The following BIRC3 variants were observed in gnomAD, a reference collection of about 807,000 sequenced individuals.
The protein encoded by BIRC3 is baculoviral IAP repeat-containing protein 3.
A neutral mutation model predicts 59.0 loss-of-function variants in BIRC3; 26 were observed. That is an observed-to-expected ratio of 0.44 (90% CI 0.32 to 0.61). The LOEUF is 0.61. BIRC3 is among the 20% of genes least tolerant of loss of function. The pLI is 0.04. For missense variants in BIRC3, 641 were observed against 711.5 expected, an observed-to-expected ratio of 0.90 and a Z score of 1.13; for synonymous variants, 243 against 249.2, an observed-to-expected ratio of 0.98 and a Z score of 0.24.
chr11:102,331,546 T>G (rs923234792), intron 6 of BIRC3, among the ~76,000 whole-genome samples: 2 of 152,200 alleles, frequency 1.3e-5, no homozygotes, highest in Non-Finnish European at 2.9e-5. Flanking sequence ...TTTTTTTTCT[T>G]AACGCTTTGA....
intron 7 of BIRC3, 98 bp downstream of exon 7, chr11:102,336,318 G>A (rs1310230290): frequency 3.7e-6 from 5 of 1,336,238 alleles, no homozygotes; most frequent in African/African-American, 1.5e-5. Flanking sequence ...CAGGCTGAAT[G>A]TGGTGACTCA....
Position 102,338,838 on chromosome 11 carries a change from A to G in BIRC3, c.*1736A>G. On this transcript the variant is annotated 3_prime_UTR_variant, in exon 9 of 9. Transcript: ENST00000263464. ...CTATGACCTACCTTGGGGAAGAGGA[A>G]TTCAAGTTTCTGTGGCTTGCCTTCA... 4.5e-6 allele frequency: 1 copy of G among 224,158 alleles called. No individual in the cohort carries two copies. The highest frequency in any genetic ancestry group is 6.5e-5 in the East Asian group (1 of 15,496). 13.9% of individuals were successfully genotyped at this position (224,158 alleles called of 1,614,324 possible).
At chr11:102,332,809 C>CA (rs1194443431) in intron 6 of BIRC3, among the ~76,000 whole-genome samples, 1 of 152,134 alleles carries the variant, frequency 6.6e-6, no homozygotes, top group African/African-American at 2.4e-5. Flanking sequence ...GCAATACAGT[C>CA]ACGGTTAACC....
At chr11:102,333,672 G>T (rs1372176040) in intron 6 of BIRC3, among the ~76,000 whole-genome samples, 1 of 152,124 alleles carries the variant, frequency 6.6e-6, no homozygotes, top group Non-Finnish European at 1.5e-5. Flanking sequence ...CTTGAACCTG[G>T]GAGGCAGAGG....
Position 102,323,743 on chromosome 11 carries a change from A to G in BIRC3, c.-767A>G. The G allele has an allele frequency of 5.0e-6, 1 of 201,432 alleles. No homozygotes were observed. Among genetic ancestry groups the G allele is most frequent in the South Asian group, 1.9e-4 (1 of 5,242 alleles). The allele number at this position is 201,432 out of a possible 1,614,324, so 12.5% of individuals were successfully genotyped here. ...ATTAGAAGGATTGTAGAAAGAAAAA[A>G]ATGACTAATTGGAGAAAAATTGGGG... On this transcript the variant is annotated 5_prime_UTR_variant, in exon 2 of 9. Transcript: ENST00000263464.
At chr11:102,335,242 A>G (rs1464396657) in intron 6 of BIRC3, among the ~76,000 whole-genome samples, 3 of 152,262 alleles carry the variant, frequency 2.0e-5, no homozygotes, top group Non-Finnish European at 4.4e-5. Context: ...ACTCTGTTTT[A>G]AAAATGAATA....
intron 1 of BIRC3, among the ~76,000 whole-genome samples, chr11:102,318,108 A>G (rs1591517168): frequency 6.6e-6 from 1 of 152,166 alleles, no homozygotes; most frequent in Admixed American, 6.5e-5. Context: ...AATAATATTA[A>G]ATATTGACTT....
chr11:102,321,999 T>A lies in BIRC3; in HGVS notation c.-2511T>A, dbSNP rs1277885776. On this transcript the variant is annotated 5_prime_UTR_variant, in exon 2 of 9. Coordinates refer to ENST00000263464, the MANE Select transcript of BIRC3 (RefSeq NM_001165.5). ...ACAAATTAAGTATTAACTGGTGTTT[T>A]ACTATCCAAAGAATGCTAATTTTAT... 5.2e-6 allele frequency: 1 copy of A among 193,548 alleles called. No individual in the cohort carries two copies. Among genetic ancestry groups the A allele is most frequent in the African/African-American group, 2.3e-5 (1 of 43,168 alleles). The allele number at this position is 193,548 out of a possible 1,614,324, so 12.0% of individuals were successfully genotyped here.
At chr11:102,332,544 C>T (rs1951154220) in intron 6 of BIRC3, among the ~76,000 whole-genome samples, 1 of 152,126 alleles carries the variant, frequency 6.6e-6, no homozygotes, top group African/African-American at 2.4e-5. Flanking sequence ...AATTCAGGCC[C>T]CCCCAATATT....
chr11:102,317,976 C>T (rs923236214), intron 1 of BIRC3, among the ~76,000 whole-genome samples: 1 of 152,280 alleles, frequency 6.6e-6, no homozygotes, highest in Admixed American at 6.5e-5. Context: ...ACGCATGTTT[C>T]CAAGCGGTGG....
Position 102,328,052 on chromosome 11 carries a change from G to A in BIRC3, c.954G>A (p.Arg318=), listed in dbSNP as rs777936319. 1.3e-6 allele frequency: 2 copies of A among 1,598,260 alleles called. No homozygotes were observed. The highest frequency in any genetic ancestry group is 1.4e-5 in the African/African-American group (1 of 73,910). ...AAATTTTATTTTCTTTACATTTTAG[G>A]TGTGAGTACTTGATAAGAATTAAAG... ...PWVQHAKWFP[R]CEYLIRIKGQ... The change falls in exon 4 of 9, where the codon AGG becomes AGA. Residue 318 remains arginine, a splice_region_variant and synonymous_variant. Coordinates refer to ENST00000263464, the MANE Select transcript of BIRC3 (RefSeq NM_001165.5).
rs371588864 is a variant in BIRC3, at chr11:102,325,571, T to G, written c.953+6T>G. The stretch of plus-strand genomic sequence containing the variant: ...CATGCCAAGTGGTTTCCAAGGTAAT[T>G]GTTTTGAAATTCTCTTTGCAAATTC... On this transcript the variant is annotated splice_donor_region_variant and intron_variant, in intron 3 of 8. Coordinates refer to ENST00000263464, the MANE Select transcript of BIRC3 (RefSeq NM_001165.5). 76 of 1,609,064 alleles carry G rather than the reference T, an allele frequency of 4.7e-5. No homozygotes were observed. Among genetic ancestry groups the G allele is most frequent in the Non-Finnish European group, 6.3e-5 (74 of 1,177,672 alleles).
chr11:102,336,824 T>C, intron 8 of BIRC3, 23 bp downstream of exon 8: 1 of 1,598,352 alleles, frequency 6.3e-7, no homozygotes, highest in Non-Finnish European at 8.5e-7. Flanking sequence ...ATATTTTAAA[T>C]CAATAGAGAA....
intron 7 of BIRC3, 41 bp downstream of exon 7, chr11:102,336,261 A>G (rs1951195853): frequency 1.3e-6 from 2 of 1,529,636 alleles, no homozygotes; most frequent in Non-Finnish European, 8.8e-7. Flanking sequence ...TTCTAAGTCA[A>G]TTGAAAATAC....
At chr11:102,328,862 A>T (rs1237092267) in intron 4 of BIRC3, 35 bp from the exon 5 acceptor site, 3 of 586,624 alleles carry the variant, frequency 5.1e-6, no homozygotes, top group South Asian at 5.3e-5. Context: ...TTTAATTTAT[A>T]TATATATATA....
rs1469222612 is a variant in BIRC3, at chr11:102,338,070, G to A, written c.*968G>A. The A allele has an allele frequency of 3.1e-5, 7 of 227,744 alleles. No individual in the cohort carries two copies. The highest frequency in any genetic ancestry group is 4.4e-5 in the Non-Finnish European group (5 of 114,760). 14.1% of individuals were successfully genotyped at this position (227,744 alleles called of 1,614,324 possible). ...ATTCTGAAACTTAGAAAGTACACTG[G>A]TTAGCAATGCTTGGGACCAACAGGT... On this transcript the variant is annotated 3_prime_UTR_variant, in exon 9 of 9. Coordinates refer to ENST00000263464, the MANE Select transcript of BIRC3 (RefSeq NM_001165.5).
intron 3 of BIRC3, 118 bp downstream of exon 3, chr11:102,325,683 T>G: frequency 1.1e-6 from 1 of 949,510 alleles, no homozygotes; most frequent in Non-Finnish European, 1.5e-6. Context: ...TGTGAATAAG[T>G]TTAGGATGGA....
Position 102,323,302 on chromosome 11 carries a change from C to T in BIRC3, c.-1208C>T. ...AAATATATATCATGATTCTGTTTTTCCAAAAGTAACCTGAATATAGCAATG... is the reference window on the plus strand; with the variant it reads ...AAATATATATCATGATTCTGTTTTTTCAAAAGTAACCTGAATATAGCAATG... On this transcript the variant is annotated 5_prime_UTR_variant, in exon 2 of 9. Coordinates refer to ENST00000263464, the MANE Select transcript of BIRC3 (RefSeq NM_001165.5). 5.2e-6 allele frequency: 1 copy of T among 193,226 alleles called. No individual in the cohort carries two copies. The highest frequency in any genetic ancestry group is 1.1e-5 in the Non-Finnish European group (1 of 92,596). 12.0% of individuals were successfully genotyped at this position (193,226 alleles called of 1,614,324 possible).
chr11:102,324,319 C>T lies in BIRC3; in HGVS notation c.-191C>T. The T allele has an allele frequency of 3.7e-6, 2 of 544,326 alleles. No homozygotes were observed. The highest frequency in any genetic ancestry group is 6.4e-5 in the South Asian group (2 of 31,086). 33.7% of individuals were successfully genotyped at this position (544,326 alleles called of 1,614,324 possible). A position where few individuals can be genotyped will look rare whatever the true frequency, so the allele number is the denominator to read the frequency against. ...TATACAAAGGTGCAATTGTGTATTT[C>T]TTCCTTAAAATGTATCAGTATAGGA... On this transcript the variant is annotated 5_prime_UTR_variant, in exon 2 of 9. Transcript: ENST00000263464.
Sources: gnomAD v4.1 joint callset for allele counts (sites outside exome capture counted in the v4.1 genomes callset) on GRCh38, gnomAD v4.1.1 for gene constraint, MANE v1.5 for transcripts, NCBI Gene and HGNC (gene_info 2026-07-23, HGNC 2026-07-21) for gene names.